S100A8: variants seen among roughly 807,000 people sequenced by gnomAD.
S100A8 encodes S100 calcium binding protein A8.
S100A8 carries 1 observed loss-of-function variant against 4.2 expected under a neutral mutation model. The observed-to-expected ratio is 0.24, with a 90% CI of 0.08 to 1.12. The LOEUF (loss-of-function observed/expected upper bound fraction) is 1.12. S100A8 is among the 50% of genes most tolerant of loss of function. S100A8 has a pLI of 0.53. For missense variants in S100A8, 96 were observed against 111.8 expected, an observed-to-expected ratio of 0.86 and a Z score of 0.64; for synonymous variants, 41 against 44.7, an observed-to-expected ratio of 0.92 and a Z score of 0.33.
At chr1:153,396,978 G>T in the S100A8 span, among the ~76,000 whole-genome samples, 1 of 152,232 alleles carries the variant, frequency 6.6e-6, no homozygotes, top group African/African-American at 2.4e-5. Context: ...CCCCATAACC[G>T]AGCCTGGAGC....
the S100A8 span, among the ~76,000 whole-genome samples, chr1:153,406,482 C>T: frequency 6.6e-6 from 1 of 152,182 alleles, no homozygotes; most frequent in African/African-American, 2.4e-5. Context: ...GGGGCCAGAG[C>T]ATTGCTCAAA....
the S100A8 span, among the ~76,000 whole-genome samples, chr1:153,411,732 T>C: frequency 6.6e-6 from 1 of 152,158 alleles, no homozygotes. Context: ...CTTCAAACTA[T>C]ACTACAAGGC....
At chr1:153,410,180 T>C in the S100A8 span, among the ~76,000 whole-genome samples, 3 of 152,074 alleles carry the variant, frequency 2.0e-5, no homozygotes, top group Non-Finnish European at 2.9e-5. Context: ...AAAAAATCAA[T>C]GAATCCAGGA....
the S100A8 span, chr1:153,418,076 A>G: frequency 1.2e-6 from 2 of 1,613,476 alleles, no homozygotes; most frequent in Non-Finnish European, 1.7e-6. Context: ...GCTTTTTGAA[A>G]GCAAAGATGA....
chr1:153,412,339 T>G, the S100A8 span, among the ~76,000 whole-genome samples: 1 of 152,178 alleles, frequency 6.6e-6, no homozygotes, highest in East Asian at 1.9e-4. Context: ...GAACAGACAC[T>G]TCTCAAAAGA....
the S100A8 span, chr1:153,422,580 A>C: frequency 1.0e-6 from 1 of 977,786 alleles, no homozygotes; most frequent in African/African-American, 1.8e-5. Flanking sequence ...CTGATATCAA[A>C]ACATTCCAAT....
At chr1:153,418,226 G>A in the S100A8 span, 9 of 1,613,864 alleles carry the variant, frequency 5.6e-6, no homozygotes, top group East Asian at 2.2e-5. Context: ...GTGCCTGTGT[G>A]AGTTGGGGTC....
the S100A8 span, chr1:153,420,458 C>T: frequency 2.0e-5 from 3 of 152,336 alleles, no homozygotes; most frequent in Non-Finnish European, 2.9e-5. Context: ...ACCTCTCAAT[C>T]AGGCAAACAT....
At chr1:153,391,343 T>G (rs561591148), upstream of S100A8, among the ~76,000 whole-genome samples, 1 of 152,282 alleles carries the variant, frequency 6.6e-6, no homozygotes, top group South Asian at 2.1e-4. Context: ...TCCACTTGCT[T>G]GATCCAGCCA....
At chr1:153,394,426 G>A (rs1662170751), upstream of S100A8, among the ~76,000 whole-genome samples, 2 of 152,192 alleles carry the variant, frequency 1.3e-5, no homozygotes, top group Non-Finnish European at 2.9e-5. Flanking sequence ...GACACAGCCA[G>A]GGGCCTGCAG....
chr1:153,401,937 G>C, the S100A8 span, among the ~76,000 whole-genome samples: 2 of 152,020 alleles, frequency 1.3e-5, no homozygotes, highest in African/African-American at 4.8e-5. Flanking sequence ...TTATCTTTAG[G>C]ATTAGAGCAA....
At chr1:153,418,098 G>C in the S100A8 span, 5 of 1,614,152 alleles carry the variant, frequency 3.1e-6, no homozygotes, top group Non-Finnish European at 4.2e-6. Context: ...CAACACTCAA[G>C]CTGAGAGGTC....
the S100A8 span, among the ~76,000 whole-genome samples, chr1:153,406,985 A>T: frequency 1.3e-5 from 2 of 152,254 alleles, no homozygotes; most frequent in African/African-American, 2.4e-5. Flanking sequence ...TATGTTTGAT[A>T]TTTTTGGAGA....
At chr1:153,396,791 C>T in the S100A8 span, 3 of 152,498 alleles carry the variant, frequency 2.0e-5, no homozygotes, top group African/African-American at 4.8e-5. Flanking sequence ...AGAGCATCAA[C>T]AACCCACCCA....
At chr1:153,418,140 T>TA in the S100A8 span, 10 of 1,614,004 alleles carry the variant, frequency 6.2e-6, no homozygotes, top group East Asian at 2.2e-4. Context: ...GTTTCACAAA[T>TA]ACACCGGACG....
chr1:153,418,500 G>A, the S100A8 span, among the ~76,000 whole-genome samples: 2 of 152,064 alleles, frequency 1.3e-5, no homozygotes, highest in African/African-American at 4.8e-5. Flanking sequence ...AGCGCTCACT[G>A]ACCCTCTCTC....
At chr1:153,405,177 G>A in the S100A8 span, among the ~76,000 whole-genome samples, 1 of 151,902 alleles carries the variant, frequency 6.6e-6, no homozygotes, top group Admixed American at 6.6e-5. Context: ...AATGATCATT[G>A]CCAACTTGAA....
chr1:153,394,159 G>T (rs536079058), upstream of S100A8, among the ~76,000 whole-genome samples: 1 of 152,210 alleles, frequency 6.6e-6, no homozygotes, highest in Admixed American at 6.5e-5. Flanking sequence ...ACAGGAAAGG[G>T]CTCAGTCCCT....
chr1:153,416,468 C>G, the S100A8 span: 6 of 376,654 alleles, frequency 1.6e-5, no homozygotes, highest in Non-Finnish European at 3.2e-5. Flanking sequence ...CCTCCCAACC[C>G]GTGGGAAGAG....
Sources: gnomAD v4.1 joint callset for allele counts (sites outside exome capture counted in the v4.1 genomes callset) on GRCh38, gnomAD v4.1.1 for gene constraint, MANE v1.5 for transcripts, NCBI Gene and HGNC (gene_info 2026-07-23, HGNC 2026-07-21) for gene names.